RIMS2: variants seen among roughly 807,000 people sequenced by gnomAD.
RIMS2 encodes the protein regulating synaptic membrane exocytosis protein 2.
A neutral mutation model predicts 174.4 loss-of-function variants in RIMS2; 59 were observed. That is an observed-to-expected ratio of 0.34 (90% CI 0.27 to 0.42). RIMS2 has a LOEUF of 0.42. Among genes scored for constraint, RIMS2 ranks in the 10% least tolerant of loss-of-function variants. RIMS2 has a pLI of 1.00. For synonymous variants in RIMS2, 606 were observed against 572.5 expected, an observed-to-expected ratio of 1.06 and a Z score of -0.84; for missense variants, 1,620 against 1,666.3, an observed-to-expected ratio of 0.97 and a Z score of 0.48.
intron 19 of RIMS2, among the ~76,000 whole-genome samples, chr8:104,222,637 C>T (rs184869667): frequency 6.6e-6 from 1 of 152,308 alleles, no homozygotes; most frequent in East Asian, 1.9e-4. Flanking sequence ...TAGAGATGTG[C>T]AGTTTGCAGA....
chr8:104,158,544 T>A (rs1473709449), intron 19 of RIMS2, among the ~76,000 whole-genome samples: 4 of 152,300 alleles, frequency 2.6e-5, no homozygotes, highest in African/African-American at 9.6e-5. Flanking sequence ...TTTTTCCACA[T>A]CCTCTCCAGC....
intron 3 of RIMS2, among the ~76,000 whole-genome samples, chr8:103,869,864 G>A (rs924784296): frequency 6.6e-6 from 1 of 152,156 alleles, no homozygotes; most frequent in Non-Finnish European, 1.5e-5. Context: ...CAGAACAGTG[G>A]TAGAGTTGTT....
At chr8:104,164,093 CT>C (rs1335257456) in intron 19 of RIMS2, among the ~76,000 whole-genome samples, 1 of 152,182 alleles carries the variant, frequency 6.6e-6, no homozygotes, top group African/African-American at 2.4e-5. Context: ...TTATCAAATC[CT>C]TTCCAGTCCC....
intron 19 of RIMS2, among the ~76,000 whole-genome samples, chr8:104,091,105 A>G (rs1268927136): frequency 6.6e-6 from 1 of 151,836 alleles, no homozygotes; most frequent in Non-Finnish European, 1.5e-5. Context: ...ATTTTAACAG[A>G]TGAAATACTG....
chr8:103,580,445 A>G (rs556839230), intron 1 of RIMS2, among the ~76,000 whole-genome samples: 181 of 149,788 alleles, frequency 1.2e-3, no homozygotes, highest in Middle Eastern at 3.4e-3. Flanking sequence ...ATATGTGTGC[A>G]TGTGTGTGTG....
intron 19 of RIMS2, among the ~76,000 whole-genome samples, chr8:104,054,797 A>G (rs1455525479): frequency 1.3e-5 from 2 of 152,104 alleles, no homozygotes; most frequent in Admixed American, 6.6e-5. Context: ...GGTTTGCACA[A>G]TTTAATTTTC....
chr8:104,069,501 C>T (rs1598181156), intron 19 of RIMS2, among the ~76,000 whole-genome samples: 1 of 124,556 alleles, frequency 8.0e-6, no homozygotes, highest in African/African-American at 3.1e-5. Context: ...TGGAGTCTCA[C>T]TCTGTTGCCC....
At chr8:103,734,773 T>G (rs992207147) in intron 2 of RIMS2, among the ~76,000 whole-genome samples, 7 of 152,126 alleles carry the variant, frequency 4.6e-5, no homozygotes, top group African/African-American at 1.7e-4. Flanking sequence ...TTGGTAGGCC[T>G]CTTGTGCCTA....
chr8:104,082,320 C>T (rs910583451), intron 19 of RIMS2, among the ~76,000 whole-genome samples: 1 of 152,024 alleles, frequency 6.6e-6, no homozygotes, highest in Non-Finnish European at 1.5e-5. Flanking sequence ...ATTAGAGAAA[C>T]GCATGTACAT....
rs906585197 is a variant in RIMS2 at position 104,062,943 on chromosome 8, A to G, written c.3334+48328A>G. 2.6e-5 allele frequency among the ~76,000 whole-genome samples: 4 copies of G among 152,172 alleles called. No individual in the cohort carries two copies. The South Asian group carries it at 8.3e-4, about 32-fold the overall frequency. On this transcript the variant is annotated intron_variant, in intron 19 of 23. Coordinates refer to ENST00000504942, the Ensembl canonical transcript of RIMS2. Reference sequence around the variant, plus strand: ...ATTTTTTAAAATATGTCTCTTTTATATAAGTAATATACTTCTTTAGCTTCA... The same window carrying G: ...ATTTTTTAAAATATGTCTCTTTTATGTAAGTAATATACTTCTTTAGCTTCA...
In RIMS2 at chr8:103,611,223, C is replaced by T. The variant is rs73284455; in HGVS notation, c.177-85863C>T. Among the ~76,000 whole-genome samples, 766 of 151,890 alleles carry T rather than the reference C, an allele frequency of 5.0e-3. 8 individuals are homozygous for T. The highest frequency in any genetic ancestry group is 0.017 in the African/African-American group (725 of 41,434). ...CATTTCTAATTGTGTTTATTTCATT[C>T]CCCTGTTTTAAAACTTTTTGTTGTT... On this transcript the variant is annotated intron_variant, in intron 1 of 23. Transcript: ENST00000504942.
At chr8:103,927,691 T>G (rs1041803080) in intron 10 of RIMS2, 1 of 642,824 alleles carries the variant, frequency 1.6e-6, no homozygotes. Context: ...TTCATCACAC[T>G]GAAGTACTTA....
At position 103,989,438 on chromosome 8, in the gene RIMS2, A is replaced by G. The variant is rs757871715; in HGVS notation, c.3044+17A>G. 6.4e-6 allele frequency: 8 copies of G among 1,258,116 alleles called. No individual in the cohort carries two copies. Among genetic ancestry groups the G allele is most frequent in the Non-Finnish European group, 9.3e-6 (8 of 857,146 alleles). 77.9% of individuals were successfully genotyped at this position (1,258,116 alleles called of 1,614,324 possible). On this transcript the variant is annotated intron_variant, in intron 17 of 23. Transcript: ENST00000504942. ...TAGAGACAGGTAAATATGATTAAAT[A>G]CTATTAGACCTTATTATTAATATAA...
intron 19 of RIMS2, among the ~76,000 whole-genome samples, chr8:104,220,471 C>G (rs1309447790): frequency 6.6e-6 from 1 of 152,178 alleles, no homozygotes; most frequent in East Asian, 1.9e-4. Flanking sequence ...CTCAGACTCC[C>G]CATCCCCAGC....
At chr8:103,513,732 G>A (rs951988987) in intron 1 of RIMS2, among the ~76,000 whole-genome samples, 2 of 152,134 alleles carry the variant, frequency 1.3e-5, no homozygotes, top group African/African-American at 4.8e-5. Context: ...AAGTGCCTGT[G>A]AGCTGTAAAT....
At chr8:104,004,304 A>G (rs2095493966) in intron 17 of RIMS2, among the ~76,000 whole-genome samples, 1 of 152,212 alleles carries the variant, frequency 6.6e-6, no homozygotes, top group Non-Finnish European at 1.5e-5. Flanking sequence ...CTGCCTGAGG[A>G]ACATTAACAT....
intron 1 of RIMS2, among the ~76,000 whole-genome samples, chr8:103,648,716 C>T (rs1370813994): frequency 7.2e-5 from 11 of 151,982 alleles, no homozygotes; most frequent in Admixed American, 7.2e-4. Flanking sequence ...CTTTTTTGAT[C>T]TTTGTTGGTT....
intron 4 of RIMS2, among the ~76,000 whole-genome samples, chr8:103,901,157 TAAC>T (rs2154524384): frequency 6.6e-6 from 1 of 152,278 alleles, no homozygotes; most frequent in East Asian, 1.9e-4. Flanking sequence ...CCCAGATAAG[TAAC>T]AACATCTCTT....
In RIMS2 at chr8:103,893,492, G is replaced by A. The variant is rs1014694995; in HGVS notation, c.1624+7269G>A. Among the ~76,000 whole-genome samples the A allele has an allele frequency of 5.3e-5, 8 of 152,174 alleles. No homozygotes were observed. The South Asian group carries it at 6.2e-4, about 12-fold the overall frequency. ...GGAGATTATCCATTTATTAGGAAGTGTCACTTGAGAAAATGATCAAATAAT... is the reference window on the plus strand; with the variant it reads ...GGAGATTATCCATTTATTAGGAAGTATCACTTGAGAAAATGATCAAATAAT... On this transcript the variant is annotated intron_variant, in intron 4 of 23. Coordinates refer to ENST00000504942, the Ensembl canonical transcript of RIMS2.
Sources: gnomAD v4.1 joint callset for allele counts (sites outside exome capture counted in the v4.1 genomes callset) on GRCh38, gnomAD v4.1.1 for gene constraint, MANE v1.5 for transcripts, NCBI Gene and HGNC (gene_info 2026-07-23, HGNC 2026-07-21) for gene names.